ARID1B: variants seen among roughly 807,000 people sequenced by gnomAD.
ARID1B encodes the protein AT-rich interactive domain-containing protein 1B.
Under a neutral mutation model 212.3 loss-of-function variants are expected in ARID1B, and 30 were observed. The ratio of observed to expected loss-of-function variants is 0.14; its 90% CI spans 0.11 to 0.19. ARID1B has a LOEUF of 0.19. ARID1B is among the 10% of genes least tolerant of loss of function. The probability of loss-of-function intolerance (pLI) is 1.00; values close to 1 mark genes in which losing one functional copy is unlikely to be tolerated. For missense variants in ARID1B, 2,891 were observed against 3,204.0 expected, an observed-to-expected ratio of 0.90 and a Z score of 2.36; for synonymous variants, 1,402 against 1,301.7, an observed-to-expected ratio of 1.08 and a Z score of -1.66.
chr6:156,909,424 A>G (rs1422338376), intron 3 of ARID1B, among the ~76,000 whole-genome samples: 1 of 152,080 alleles, frequency 6.6e-6, no homozygotes, highest in African/African-American at 2.4e-5. Flanking sequence ...GCATCCGGAC[A>G]AGGGCGTTTC....
intron 4 of ARID1B, among the ~76,000 whole-genome samples, chr6:156,992,808 C>T (rs1383347573): frequency 6.6e-6 from 1 of 152,170 alleles, no homozygotes; most frequent in Non-Finnish European, 1.5e-5. Context: ...GCACCAGGCA[C>T]AGCATTGGAG....
At chr6:157,143,177 T>C (rs1031028328) in intron 7 of ARID1B, among the ~76,000 whole-genome samples, 2 of 152,290 alleles carry the variant, frequency 1.3e-5, no homozygotes, top group South Asian at 2.1e-4. Context: ...ATGAACCCAC[T>C]TGAAAACTGT....
At chr6:156,795,932 A>C (rs1206229676) in intron 1 of ARID1B, among the ~76,000 whole-genome samples, 1 of 152,170 alleles carries the variant, frequency 6.6e-6, no homozygotes, top group Non-Finnish European at 1.5e-5. Context: ...GTGTAAGTTA[A>C]ATTTCACGTA....
At chr6:156,965,123 A>G (rs1282144823) in intron 4 of ARID1B, among the ~76,000 whole-genome samples, 5 of 152,138 alleles carry the variant, frequency 3.3e-5, no homozygotes, top group African/African-American at 1.2e-4. Context: ...AAATTTAGTT[A>G]TTTCCTCTAC....
chr6:157,110,509 A>G lies in ARID1B; in HGVS notation c.2529A>G (p.Ser843=). Residue 843 remains serine (S), a synonymous_variant, in exon 6 of 20, where the codon TCA becomes TCG. Coordinates refer to ENST00000636930, the MANE Select transcript of ARID1B (RefSeq NM_001374828.1). ...CTCCGCAGCCACCCGGGAGCCAGTC[A>G]GAATCCAGTTCCCATCCCGCCTTGA... is the stretch of plus-strand genomic sequence containing the variant. ...QMPPQPPGSQ[S]ESSSHPALSQ... is the part of the protein sequence containing the mutation. 1 of 1,614,186 alleles carries G rather than the reference A, an allele frequency of 6.2e-7. No individual in the cohort carries two copies. Among genetic ancestry groups the G allele is most frequent in the Non-Finnish European group, 8.5e-7 (1 of 1,180,032 alleles).
intron 8 of ARID1B, chr6:157,166,063 T>G (rs1276893186): frequency 6.6e-6 from 1 of 152,166 alleles, no homozygotes; most frequent in Admixed American, 6.5e-5. Flanking sequence ...TTGAAAAATT[T>G]TTTAAAGGTA....
At chr6:157,147,534 G>A (rs1363176875) in intron 7 of ARID1B, among the ~76,000 whole-genome samples, 1 of 24,544 alleles carries the variant, frequency 4.1e-5, no homozygotes, top group Non-Finnish European at 6.3e-5. Flanking sequence ...CCTGACCTCC[G>A]TCCCTCACCT....
At chr6:157,003,781 T>C (rs1007411214) in intron 4 of ARID1B, among the ~76,000 whole-genome samples, 2 of 152,146 alleles carry the variant, frequency 1.3e-5, no homozygotes, top group Non-Finnish European at 2.9e-5. Context: ...CTCGACCTCC[T>C]TGGCTGAAAC....
At chr6:156,890,160 C>T (rs1787812392) in intron 2 of ARID1B, among the ~76,000 whole-genome samples, 1 of 152,202 alleles carries the variant, frequency 6.6e-6, no homozygotes, top group South Asian at 2.1e-4. Flanking sequence ...CCATTTAGTT[C>T]CCACAGCTAT....
chr6:157,140,609 A>C, intron 7 of ARID1B: 1 of 398,540 alleles, frequency 2.5e-6, no homozygotes, highest in East Asian at 3.6e-5. Context: ...TACCCTTTTT[A>C]TAGAGGAAGA....
chr6:157,129,860 C>A (rs1373690890), intron 6 of ARID1B, among the ~76,000 whole-genome samples: 3 of 152,252 alleles, frequency 2.0e-5, no homozygotes, highest in Non-Finnish European at 4.4e-5. Flanking sequence ...GTCACAGAGG[C>A]CACAAAAACT....
intron 3 of ARID1B, among the ~76,000 whole-genome samples, chr6:156,932,876 C>T (rs909078486): frequency 1.3e-5 from 2 of 152,158 alleles, no homozygotes; most frequent in Non-Finnish European, 2.9e-5. Context: ...TTCAATAGTT[C>T]TCACTAAATT....
chr6:157,122,402 T>C (rs1787791485), intron 6 of ARID1B, among the ~76,000 whole-genome samples: 1 of 152,250 alleles, frequency 6.6e-6, no homozygotes. Context: ...AGGGAATATC[T>C]TGGCAGCCCA....
At chr6:156,898,871 T>TGAGGCAGGAGAATCGTTTG (rs1788699488) in intron 2 of ARID1B, among the ~76,000 whole-genome samples, 1 of 152,118 alleles carries the variant, frequency 6.6e-6, no homozygotes, top group Non-Finnish European at 1.5e-5. Context: ...CTTGGGAGGC[T>TGAGGCAGGAGAATCGTTTG]GAGGCAGGAG....
intron 4 of ARID1B, among the ~76,000 whole-genome samples, chr6:156,970,132 G>T (rs1250359196): frequency 6.6e-6 from 1 of 152,068 alleles, no homozygotes; most frequent in Non-Finnish European, 1.5e-5. Flanking sequence ...CAGGCTGGAA[G>T]TGCAATGGCA....
At chr6:156,803,398 A>C (rs1780924918) in intron 1 of ARID1B, among the ~76,000 whole-genome samples, 1 of 152,192 alleles carries the variant, frequency 6.6e-6, no homozygotes, top group Admixed American at 6.5e-5. Flanking sequence ...AGAGAGAACC[A>C]AAATATTTTC....
At chr6:157,083,141 C>T (rs966575685) in intron 4 of ARID1B, among the ~76,000 whole-genome samples, 5 of 152,162 alleles carry the variant, frequency 3.3e-5, no homozygotes, top group African/African-American at 9.7e-5. Flanking sequence ...GCATTTTCCT[C>T]TGCCAGATTC....
rs1790428454 is a variant in ARID1B, at chr6:157,154,568, GTTTTTTTTTTTGTTTTT to G, written c.3089+5629_3089+5645del. ...GGTCCTGTTGTTGTTCTGCTCTTCTGTTTTTTTTTTTGTTTTTTTTTTTTTTTTTTGAGTTGGAGTCT... is the reference window on the plus strand; with the variant it reads ...GGTCCTGTTGTTGTTCTGCTCTTCTGTTTTTTTTTTTTTGAGTTGGAGTCT... On this transcript the variant is annotated intron_variant, in intron 8 of 19. Transcript: ENST00000636930. Among the ~76,000 whole-genome samples, 3 of 118,526 alleles carry G rather than the reference GTTTTTTTTTTTGTTTTT, an allele frequency of 2.5e-5. No individual in the cohort carries two copies. The South Asian group carries it at 8.2e-4, about 32-fold the overall frequency. The allele number at this position is 118,526 out of a possible 152,430, so 77.8% of individuals were successfully genotyped here.
In ARID1B at chr6:157,200,051, A is replaced by G. The variant is rs775806853; in HGVS notation, c.4480-654A>G. On this transcript the variant is annotated intron_variant, in intron 17 of 19. Coordinates refer to ENST00000636930, the MANE Select transcript of ARID1B (RefSeq NM_001374828.1). This position sits in a 1 kb window ranked among gnomAD's most constrained non-coding sequence, Gnocchi z 4.3. The stretch of plus-strand genomic sequence containing the variant: ...TCAGCATCTCACTGCCTCCCATCAG[A>G]GTCCCACCTACCCCGATTAAGCACT... 1.3e-5 allele frequency among the ~76,000 whole-genome samples: 2 copies of G among 152,172 alleles called. No individual in the cohort carries two copies. The highest frequency in any genetic ancestry group is 2.4e-5 in the African/African-American group (1 of 41,420).
Sources: allele counts gnomAD v4.1 joint callset (sites outside exome capture counted in the v4.1 genomes callset), GRCh38; gene constraint gnomAD v4.1.1; non-coding constraint Gnocchi (gnomAD v3.1); transcripts MANE v1.5; gene names NCBI Gene and HGNC (gene_info 2026-07-23, HGNC 2026-07-21).